The following RGS5 variants were observed in gnomAD, a reference collection of about 807,000 sequenced individuals.
RGS5 encodes the protein regulator of G-protein signalling 5.
Under a neutral mutation model 18.9 loss-of-function variants are expected in RGS5, and 20 were observed. The observed-to-expected ratio is 1.06, with a 90% CI of 0.74 to 1.54. The LOEUF is 1.54. Ranked by LOEUF, RGS5 falls within the 40% of genes most tolerant of loss-of-function variation. RGS5 has a pLI of 0.00. For synonymous variants in RGS5, 57 were observed against 76.2 expected, an observed-to-expected ratio of 0.75 and a Z score of 1.31; for missense variants, 201 against 211.8, an observed-to-expected ratio of 0.95 and a Z score of 0.32.
intron 2 of RGS5, among the ~76,000 whole-genome samples, chr1:163,234,390 T>G (rs1647566159): frequency 1.3e-5 from 2 of 152,204 alleles, no homozygotes; most frequent in Non-Finnish European, 2.9e-5. Flanking sequence ...CCATTTTATA[T>G]ATTGCCTGAT....
At position 163,271,235 on chromosome 1, in the gene RGS5, TA is replaced by T. The variant is rs537823277; in HGVS notation, c.-281+34997del. The stretch of plus-strand genomic sequence containing the variant: ...TCTGGCACCCTTGACATAATATTTT[TA>T]AGGGTAATTAATTGTTTTGGACTGC... On this transcript the variant is annotated intron_variant, in intron 2 of 5. Transcript: ENST00000618415. Among the ~76,000 whole-genome samples, 307 of 152,250 alleles carry T rather than the reference TA, an allele frequency of 2.0e-3. 1 individual carries two copies. Among genetic ancestry groups the T allele is most frequent in the Middle Eastern group, 0.014 (4 of 294 alleles).
intron 2 of RGS5, among the ~76,000 whole-genome samples, chr1:163,229,608 A>C (rs969212721): frequency 6.6e-6 from 1 of 151,992 alleles, no homozygotes; most frequent in African/African-American, 2.4e-5. Flanking sequence ...CTCTGTCCTC[A>C]CCACATTGGT....
chr1:163,229,177 T>C (rs1647407010), intron 2 of RGS5, among the ~76,000 whole-genome samples: 1 of 152,122 alleles, frequency 6.6e-6, no homozygotes, highest in African/African-American at 2.4e-5. Context: ...CTGCGTAATA[T>C]ATAAAGGAAA....
chr1:163,317,027 T>C (rs1004463337), intron 1 of RGS5, among the ~76,000 whole-genome samples: 1 of 152,204 alleles, frequency 6.6e-6, no homozygotes, highest in African/African-American at 2.4e-5. Context: ...CATAAACTTT[T>C]TTTTTGTAAG....
chr1:163,166,745 C>A (rs2815284), intron 2 of RGS5, among the ~76,000 whole-genome samples: 84,725 of 152,028 alleles, frequency 0.56, 25,901 homozygotes, highest in South Asian at 0.72. Context: ...AATGGTCAGC[C>A]CCAGGGTTTC....
chr1:163,153,138 A>G (rs1423085324), intron 3 of RGS5, among the ~76,000 whole-genome samples: 1 of 152,208 alleles, frequency 6.6e-6, no homozygotes, highest in African/African-American at 2.4e-5. Flanking sequence ...TATGCAAGTA[A>G]TGTTAATGTT....
chr1:163,246,001 G>T (rs1647920248), intron 2 of RGS5, among the ~76,000 whole-genome samples: 1 of 152,012 alleles, frequency 6.6e-6, no homozygotes, highest in Non-Finnish European at 1.5e-5. Flanking sequence ...GGATCACGAG[G>T]TCAGGAGATC....
chr1:163,196,358 C>G (rs573844933), intron 1 of RGS5, among the ~76,000 whole-genome samples: 1 of 152,108 alleles, frequency 6.6e-6, no homozygotes, highest in African/African-American at 2.4e-5. Context: ...AACAATGGCT[C>G]CAGAGACATA....
intron 2 of RGS5, among the ~76,000 whole-genome samples, chr1:163,222,789 G>A (rs10917702): frequency 0.55 from 83,758 of 151,960 alleles, 23,335 homozygotes; most frequent in Non-Finnish European, 0.61. Context: ...CAGGTTTCCG[G>A]CCAACAGAAC....
chr1:163,167,897 T>C (rs1224531058), intron 2 of RGS5, among the ~76,000 whole-genome samples: 1 of 152,194 alleles, frequency 6.6e-6, no homozygotes, highest in African/African-American at 2.4e-5. Context: ...CATAATTAAC[T>C]GGATCAGGAG....
intron 3 of RGS5, among the ~76,000 whole-genome samples, chr1:163,157,036 A>C (rs1348579216): frequency 7.2e-5 from 11 of 152,162 alleles, no homozygotes; most frequent in Non-Finnish European, 1.5e-4. Context: ...AAAGAAGCAA[A>C]AGGGGAGTGC....
At chr1:163,224,516 A>C (rs928808580) in intron 2 of RGS5, among the ~76,000 whole-genome samples, 7 of 152,192 alleles carry the variant, frequency 4.6e-5, no homozygotes, top group African/African-American at 7.2e-5. Flanking sequence ...TAAAGATGGG[A>C]GTGCAGATAT....
At chr1:163,258,172 A>G (rs896517866) in intron 2 of RGS5, among the ~76,000 whole-genome samples, 2 of 152,228 alleles carry the variant, frequency 1.3e-5, no homozygotes, top group Non-Finnish European at 2.9e-5. Context: ...TTCATAGAAG[A>G]ATTAGTTGAT....
intron 1 of RGS5, among the ~76,000 whole-genome samples, chr1:163,189,438 G>A (rs140678290): frequency 1.0e-3 from 158 of 152,286 alleles, no homozygotes; most frequent in African/African-American, 3.7e-3. Context: ...ATAAAGAGAC[G>A]TAAAATGGTA....
At chr1:163,173,141 C>A (rs534909534) in intron 1 of RGS5, among the ~76,000 whole-genome samples, 1 of 152,252 alleles carries the variant, frequency 6.6e-6, no homozygotes, top group East Asian at 1.9e-4. Context: ...GTCTCGGGCT[C>A]TATTTGACTG....
chr1:163,235,536 AT>A (rs1647599855), intron 2 of RGS5, among the ~76,000 whole-genome samples: 1 of 152,210 alleles, frequency 6.6e-6, no homozygotes, highest in South Asian at 2.1e-4. Flanking sequence ...CCCTGAAAGT[AT>A]TAATAGTTCC....
At chr1:163,176,480 G>C (rs1393485321) in intron 1 of RGS5, among the ~76,000 whole-genome samples, 2 of 152,256 alleles carry the variant, frequency 1.3e-5, no homozygotes, top group East Asian at 3.9e-4. Flanking sequence ...AATTAGCCAT[G>C]AGTGGTGGTG....
At chr1:163,202,606 T>C (rs1659817363) in intron 1 of RGS5, among the ~76,000 whole-genome samples, 186 bp downstream of exon 1, 1 of 152,208 alleles carries the variant, frequency 6.6e-6, no homozygotes, top group Admixed American at 6.5e-5. Context: ...ATTAATCTCC[T>C]AGCTTGGATC....
intron 1 of RGS5, among the ~76,000 whole-genome samples, chr1:163,309,205 A>G (rs1441430439): frequency 6.6e-6 from 1 of 152,190 alleles, no homozygotes; most frequent in African/African-American, 2.4e-5. Flanking sequence ...ACAGAAAAAA[A>G]AGCGGGGGTG....
Sources: allele counts gnomAD v4.1 joint callset (sites outside exome capture counted in the v4.1 genomes callset), GRCh38; gene constraint gnomAD v4.1.1; transcripts MANE v1.5; gene names NCBI Gene and HGNC (gene_info 2026-07-23, HGNC 2026-07-21).